The following PRICKLE2 variants were observed in gnomAD, a reference collection of about 807,000 sequenced individuals.
PRICKLE2 encodes the protein prickle planar cell polarity protein 2.
In PRICKLE2, 21 loss-of-function variants were observed where a neutral mutation model predicts 81.4. That is an observed-to-expected ratio of 0.26 (90% CI 0.18 to 0.37). The LOEUF (loss-of-function observed/expected upper bound fraction) is 0.37, where lower values mean the gene tolerates loss of function less well. Ranked by LOEUF, PRICKLE2 falls within the 10% of genes least tolerant of loss-of-function variation. PRICKLE2 has a pLI of 1.00. For synonymous variants in PRICKLE2, 456 were observed against 421.5 expected, an observed-to-expected ratio of 1.08 and a Z score of -1.00; for missense variants, 940 against 1,109.0, an observed-to-expected ratio of 0.85 and a Z score of 2.16.
intron 7 of PRICKLE2, among the ~76,000 whole-genome samples, chr3:64,139,037 A>G (rs1449054825): frequency 6.6e-6 from 1 of 152,256 alleles, no homozygotes; most frequent in Non-Finnish European, 1.5e-5. Flanking sequence ...TTCTTGGTAA[A>G]GTGAGTGGTT....
intron 2 of PRICKLE2, among the ~76,000 whole-genome samples, chr3:64,263,662 G>A (rs1024734456): frequency 4.6e-5 from 7 of 152,150 alleles, no homozygotes; most frequent in African/African-American, 1.7e-4. Flanking sequence ...AAAGGATCCT[G>A]TGGGAGGCAT....
intron 1 of PRICKLE2, among the ~76,000 whole-genome samples, chr3:64,213,553 G>C (rs1451884785): frequency 1.3e-5 from 2 of 152,168 alleles, no homozygotes; most frequent in African/African-American, 4.8e-5. Context: ...CTTTATAGAT[G>C]AAGAAAGTGA....
At chr3:64,118,457 G>A (rs79596483) in intron 7 of PRICKLE2, among the ~76,000 whole-genome samples, 3 of 151,816 alleles carry the variant, frequency 2.0e-5, no homozygotes, top group Non-Finnish European at 4.4e-5. Context: ...TCTCACAAAG[G>A]TCTAATATCC....
Position 64,095,284 on chromosome 3 carries a change from C to A in PRICKLE2, c.*3767G>T, listed in dbSNP as rs2076556272. On this transcript the variant is annotated 3_prime_UTR_variant, in exon 8 of 8. Transcript: ENST00000638394. The stretch of plus-strand genomic sequence containing the variant: ...GGGAGGGGCAGGTGAATTGGAGTCT[C>A]CGAATTACTTATACATATTGGTTCC... 1 of 152,078 alleles carries A rather than the reference C, an allele frequency of 6.6e-6. No individual in the cohort carries two copies. The highest frequency in any genetic ancestry group is 6.6e-5 in the Admixed American group (1 of 15,260). The allele number at this position is 152,078 out of a possible 1,614,324, so 9.4% of individuals were successfully genotyped here. A position where few individuals can be genotyped will look rare whatever the true frequency, so the allele number is the denominator to read the frequency against.
At chr3:64,126,858 G>A (rs982005700) in intron 7 of PRICKLE2, among the ~76,000 whole-genome samples, 2 of 152,040 alleles carry the variant, frequency 1.3e-5, no homozygotes, top group African/African-American at 4.8e-5. Flanking sequence ...TTACAGGTGT[G>A]AGCCACTGTG....
At chr3:64,266,056 G>C (rs1197992937) in intron 2 of PRICKLE2, among the ~76,000 whole-genome samples, 1 of 152,150 alleles carries the variant, frequency 6.6e-6, no homozygotes, top group East Asian at 1.9e-4. Flanking sequence ...GGGTATCACT[G>C]AGGAAAGACT....
chr3:64,131,116 G>C (rs2077190727), intron 7 of PRICKLE2, among the ~76,000 whole-genome samples: 10 of 152,218 alleles, frequency 6.6e-5, no homozygotes, highest in Admixed American at 6.5e-4. Context: ...AGATTTGTAA[G>C]GCTGAGCCTT....
intron 7 of PRICKLE2, among the ~76,000 whole-genome samples, chr3:64,132,744 G>A (rs991556944): frequency 1.3e-5 from 2 of 152,176 alleles, no homozygotes; most frequent in Non-Finnish European, 2.9e-5. Context: ...TGGGGTTGAG[G>A]GTAGATGGGG....
chr3:64,266,941 TA>T (rs5849583), intron 2 of PRICKLE2, among the ~76,000 whole-genome samples: 223 of 105,756 alleles, frequency 2.1e-3, no homozygotes, highest in Non-Finnish European at 1.9e-3. Context: ...TGCCTCATCT[TA>T]AAAAAAAAAA....
At chr3:64,163,561 G>A in intron 2 of PRICKLE2, 1 of 231,250 alleles carries the variant, frequency 4.3e-6, no homozygotes, top group Non-Finnish European at 8.7e-6. Context: ...CCAGTCTTTG[G>A]CACTCGGCAA....
intron 3 of PRICKLE2, among the ~76,000 whole-genome samples, chr3:64,161,422 G>A (rs1264456512): frequency 6.6e-6 from 1 of 152,154 alleles, no homozygotes; most frequent in Non-Finnish European, 1.5e-5. Flanking sequence ...AACTAGGACT[G>A]TCACATCCTA....
intron 7 of PRICKLE2, among the ~76,000 whole-genome samples, chr3:64,127,580 G>A (rs1022641613): frequency 6.6e-6 from 1 of 152,098 alleles, no homozygotes; most frequent in African/African-American, 2.4e-5. Flanking sequence ...TGATCACACA[G>A]GGAACATTCA....
chr3:64,190,279 GTT>G (rs957062490), intron 2 of PRICKLE2: 36 of 152,086 alleles, frequency 2.4e-4, no homozygotes, highest in Admixed American at 1.2e-3. Context: ...GTTTTGTTTT[GTT>G]TTGTTTTTAT....
chr3:64,135,694 TCACACA>T (rs9311884), intron 7 of PRICKLE2, among the ~76,000 whole-genome samples: 20,526 of 149,100 alleles, frequency 0.14, 1,640 homozygotes, highest in African/African-American at 0.22. Flanking sequence ...CGATCACAGA[TCACACA>T]CACACACACA....
chr3:64,118,057 T>C (rs1401945750), intron 7 of PRICKLE2, among the ~76,000 whole-genome samples: 4 of 152,048 alleles, frequency 2.6e-5, no homozygotes, highest in Non-Finnish European at 5.9e-5. Context: ...CACACACCTA[T>C]AGCTATCTGA....
In PRICKLE2 at chr3:64,095,933, G is replaced by A. The variant is rs918106700; in HGVS notation, c.*3118C>T. 1.3e-5 allele frequency: 2 copies of A among 152,216 alleles called. No homozygotes were observed. The highest frequency in any genetic ancestry group is 2.4e-5 in the African/African-American group (1 of 41,424). 9.4% of individuals were successfully genotyped at this position (152,216 alleles called of 1,614,324 possible). On this transcript the variant is annotated 3_prime_UTR_variant, in exon 8 of 8. Transcript: ENST00000638394. ...CCCACAACTATATGACAGAAGGAAA[G>A]CGCCCTGAATACCATCCTCAATGCC... is the stretch of plus-strand genomic sequence containing the variant.
At chr3:64,172,043 C>T (rs1394109478) in intron 2 of PRICKLE2, among the ~76,000 whole-genome samples, 1 of 152,116 alleles carries the variant, frequency 6.6e-6, no homozygotes, top group Non-Finnish European at 1.5e-5. Context: ...TTAGTTCTCA[C>T]ATGACCACTC....
rs1179436582 is a variant in PRICKLE2, at chr3:64,092,551, C to T, written c.*6500G>A. ...CCAGCAAGTCCCTAATGTTGTGGATCAGACACGGGGAAATTGAATTTACAT... is the reference window on the plus strand; with the variant it reads ...CCAGCAAGTCCCTAATGTTGTGGATTAGACACGGGGAAATTGAATTTACAT... On this transcript the variant is annotated 3_prime_UTR_variant, in exon 8 of 8. Coordinates refer to ENST00000638394, the MANE Select transcript of PRICKLE2 (RefSeq NM_198859.4). The T allele has an allele frequency of 5.3e-5, 8 of 152,228 alleles. No individual in the cohort carries two copies. Among genetic ancestry groups the T allele is most frequent in the Non-Finnish European group, 1.0e-4 (7 of 68,054 alleles). 9.4% of individuals were successfully genotyped at this position (152,228 alleles called of 1,614,324 possible). A position where few individuals can be genotyped will look rare whatever the true frequency, so the allele number is the denominator to read the frequency against.
In PRICKLE2 at chr3:64,153,221, A is replaced by T; in HGVS notation, c.748T>A (p.Leu250Met). 6.2e-7 allele frequency: 1 copy of T among 1,614,216 alleles called. No homozygotes were observed. The highest frequency in any genetic ancestry group is 8.5e-7 in the Non-Finnish European group (1 of 1,180,032). ...CAGGTGTCACAATATTCTGCATACA[A>T]GGACTCGAAGCAGTGGCAACAGTAG... is the stretch of plus-strand genomic sequence containing the variant. ...RPYCCHCFES[L>M]YAEYCDTCAQ... is the part of the protein sequence containing the mutation. Residue 250 changes from leucine (L) to methionine (M), a missense_variant, in exon 6 of 8, where the codon TTG (leucine) becomes ATG (methionine). This residue lies in a region of PRICKLE2 where 270 missense variants were observed against 391.8 expected (regional missense o/e 0.69). Transcript: ENST00000638394.
Sources: gnomAD v4.1 joint callset for allele counts (sites outside exome capture counted in the v4.1 genomes callset) on GRCh38, gnomAD v4.1.1 for gene constraint, gnomAD v4.1.1 regional missense constraint, MANE v1.5 for transcripts, NCBI Gene and HGNC (gene_info 2026-07-23, HGNC 2026-07-21) for gene names.